Variants in NAGPA observed in about 807,000 individuals in gnomAD.
The protein encoded by NAGPA is alpha-N-acetylglucosaminyl phosphodiesterase.
NAGPA carries 56 observed loss-of-function variants against 48.5 expected under a neutral mutation model. The ratio of observed to expected loss-of-function variants is 1.15; its 90% confidence interval spans 0.93 to 1.44. The LOEUF (loss-of-function observed/expected upper bound fraction) is 1.44. Among genes scored for constraint, NAGPA ranks in the 40% most tolerant of loss-of-function variants. The probability of loss-of-function intolerance (pLI) is 0.00; values close to 1 mark genes in which losing one functional copy is unlikely to be tolerated. For missense variants in NAGPA, 888 were observed against 735.0 expected, an observed-to-expected ratio of 1.21 and a Z score of -2.41; for synonymous variants, 399 against 315.5, an observed-to-expected ratio of 1.26 and a Z score of -2.81.
Position 5,025,178 on chromosome 16 carries a change from G to C in NAGPA, c.*300C>G, listed in dbSNP as rs1955972816. On this transcript the variant is annotated 3_prime_UTR_variant, in exon 10 of 10. Coordinates refer to ENST00000312251, the MANE Select transcript of NAGPA (RefSeq NM_016256.4). ...TGGCAGCCCCTTCCCCAGGAGGAGG[G>C]AGACTCTTTGGCAGTGCGGCAGCCC... 6 of 459,298 alleles carry C rather than the reference G, an allele frequency of 1.3e-5. No individual in the cohort carries two copies. Among genetic ancestry groups the C allele is most frequent in the Non-Finnish European group, 2.4e-5 (6 of 248,980 alleles). 28.5% of individuals were successfully genotyped at this position (459,298 alleles called of 1,614,324 possible).
At chr16:5,030,066 A>C in intron 4 of NAGPA, 1 of 489,644 alleles carries the variant, frequency 2.0e-6, no homozygotes, top group Non-Finnish European at 3.7e-6. Context: ...TCTACGGCAT[A>C]GGTGGGTAGA....
intron 4 of NAGPA, 64 bp from the exon 5 acceptor site, chr16:5,029,072 T>C (rs1485760228): frequency 6.2e-7 from 1 of 1,602,632 alleles, no homozygotes; most frequent in Non-Finnish European, 8.5e-7. Flanking sequence ...TAACTCCTTT[T>C]CCTTCCACAG....
chr16:5,033,565 G>T lies in NAGPA; in HGVS notation c.250C>A (p.His84Asn). ...GGLAVRTFVS[H>N]FRDRAVAGHL... is the part of the protein sequence containing the mutation. ...CCGGCCACCGCGCGGTCCCTGAAGT[G>T]CGACACGAAGGTGCGCACGGCCAGA... Residue 84 changes from histidine (H) to asparagine (N), a missense_variant, in exon 2 of 10, where the codon CAC becomes AAC. By Grantham distance (68) the His-to-Asn change is moderately conservative (BLOSUM62 1). Transcript: ENST00000312251. The surrounding 1 kb of genome is among the most constrained non-coding windows in gnomAD (Gnocchi z 4.2). 6.6e-7 allele frequency: 1 copy of T among 1,504,408 alleles called. No homozygotes were observed. The highest frequency in any genetic ancestry group is 1.4e-5 in the African/African-American group (1 of 69,928). 93.2% of individuals were successfully genotyped at this position (1,504,408 alleles called of 1,614,324 possible). A position where few individuals can be genotyped will look rare whatever the true frequency, so the allele number is the denominator to read the frequency against.
At position 5,031,868 on chromosome 16, in the gene NAGPA, C is replaced by T. The variant is rs373224955; in HGVS notation, c.559G>A (p.Glu187Lys). 5 of 1,614,060 alleles carry T rather than the reference C, an allele frequency of 3.1e-6. No homozygotes were observed. The highest frequency in any genetic ancestry group is 2.2e-5 in the East Asian group (1 of 44,894). Residue 187 changes from glutamate (E) to lysine (K), a missense_variant, in exon 3 of 10, where the codon GAG (glutamate) becomes AAG (lysine). Physicochemically the swap from Glu to Lys is moderately conservative, Grantham distance 56 (BLOSUM62 1). Coordinates refer to ENST00000312251, the MANE Select transcript of NAGPA (RefSeq NM_016256.4). The part of the protein sequence containing the change: ...TLVTGYLSEE[E>K]VLDTENPFVQ... ...AATGGGTTCTCAGTGTCCAGCACCT[C>T]CTCCTCAGACAGGTACCTGGATCCG...
chr16:5,033,305 G>C lies in NAGPA; in HGVS notation c.510C>G (p.Phe170Leu). Residue 170 changes from phenylalanine to leucine, a missense_variant, in exon 2 of 10, where the codon TTC (phenylalanine) becomes TTG (leucine). Transcript: ENST00000312251. The surrounding 1 kb of genome is among the most constrained non-coding windows in gnomAD (Gnocchi z 4.2). Reference protein sequence around the residue: ...SSSGGLQNAQFGIRRDGTLVT... With the variant: ...SSSGGLQNAQLGIRRDGTLVT... ...CCAGGGTCCCGTCGCGGCGGATCCC[G>C]AACTGCGCGTTCTGCAGCCCCCCGG... The C allele has an allele frequency of 6.3e-7, 1 of 1,596,710 alleles. No homozygotes were observed. The highest frequency in any genetic ancestry group is 8.5e-7 in the Non-Finnish European group (1 of 1,179,202).
At chr16:5,030,347 T>C in intron 4 of NAGPA, 38 bp downstream of exon 4, 2 of 1,530,860 alleles carry the variant, frequency 1.3e-6, no homozygotes, top group East Asian at 4.9e-5. Flanking sequence ...CTAGCAGGAC[T>C]GAGCCCCGGC....
rs1567142906 is a variant in NAGPA at position 5,033,369 on chromosome 16, AG to A, written c.445del (p.Leu149TrpfsTer5). ...CCGCTCGTCGCTCACCACGTTCCCCAGGCACTCGCCCGAGTTCATGCGGAAG... is the reference window on the plus strand; with the variant it reads ...CCGCTCGTCGCTCACCACGTTCCCCAGCACTCGCCCGAGTTCATGCGGAAG... ...GFFRMNSGECLGNVVSDERRV... is the reference protein window; with the variant it reads ...GFFRMNSGECXGNVVSDERRV... On this transcript the variant is annotated frameshift_variant, in exon 2 of 10. Transcript: ENST00000312251. LOFTEE classifies it high-confidence loss of function. The surrounding 1 kb of genome is among the most constrained non-coding windows in gnomAD (Gnocchi z 4.2). 6.3e-7 allele frequency: 1 copy of A among 1,597,732 alleles called. No homozygotes were observed. Among genetic ancestry groups the A allele is most frequent in the Admixed American group, 1.7e-5 (1 of 59,984 alleles).
rs188520520 is a variant in NAGPA, at chr16:5,027,231, G to A, written c.1277-33C>T. On this transcript the variant is annotated intron_variant, in intron 8 of 9. Transcript: ENST00000312251. ...ATACCAGAGACAGGCTGAAGGGGCC[G>A]GAGCAGGAGCGTCTGCCCATACCCC... 335 of 1,614,176 alleles carry A rather than the reference G, an allele frequency of 2.1e-4. 2 individuals are homozygous for A. The highest frequency in any genetic ancestry group is 1.2e-3 in the African/African-American group (92 of 75,064).
chr16:5,027,233 A>G (rs1421131540), intron 8 of NAGPA, 35 bp from the exon 9 acceptor site: 1 of 1,614,126 alleles, frequency 6.2e-7, no homozygotes, highest in South Asian at 1.1e-5. Context: ...AAGGGGCCGG[A>G]GCAGGAGCGT....
Position 5,025,175 on chromosome 16 carries a change from A to G in NAGPA, c.*303T>C. 2.2e-6 allele frequency: 1 copy of G among 450,776 alleles called. No individual in the cohort carries two copies. 27.9% of individuals were successfully genotyped at this position (450,776 alleles called of 1,614,324 possible). A position where few individuals can be genotyped will look rare whatever the true frequency, so the allele number is the denominator to read the frequency against. The stretch of plus-strand genomic sequence containing the variant: ...CGTTGGCAGCCCCTTCCCCAGGAGG[A>G]GGGAGACTCTTTGGCAGTGCGGCAG... On this transcript the variant is annotated 3_prime_UTR_variant, in exon 10 of 10. Transcript: ENST00000312251.
In NAGPA at chr16:5,031,745, C is replaced by A. The variant is rs753247110; in HGVS notation, c.682G>T (p.Gly228Cys). The A allele has an allele frequency of 1.4e-5, 22 of 1,614,048 alleles. No homozygotes were observed. Among genetic ancestry groups the A allele is most frequent in the Non-Finnish European group, 1.8e-5 (21 of 1,180,032 alleles). ...ATECDETQET[G>C]SFSKFVNVIS... ...GTTGCCAACAGCCTCCCCATCCAAC[C>A]TGTCTCCTGTGTCTCGTCACACTCT... Residue 228 changes from glycine to cysteine, a missense_variant and splice_region_variant, in exon 3 of 10, where the codon GGT (glycine) becomes TGT (cysteine). Physicochemically the swap from Gly to Cys is radical, Grantham distance 159. Coordinates refer to ENST00000312251, the MANE Select transcript of NAGPA (RefSeq NM_016256.4).
intron 3 of NAGPA, 44 bp from the exon 4 acceptor site, chr16:5,030,537 CT>C: frequency 4.7e-6 from 7 of 1,475,562 alleles, no homozygotes; most frequent in Non-Finnish European, 6.5e-6. Context: ...CTTGGGAGGC[CT>C]CCTGCTTCTT....
In NAGPA at chr16:5,027,985, G is replaced by A. The variant is rs377424631; in HGVS notation, c.1121C>T (p.Thr374Met). 2.0e-5 allele frequency: 30 copies of A among 1,506,284 alleles called. No homozygotes were observed. Among genetic ancestry groups the A allele is most frequent in the Admixed American group, 7.8e-5 (4 of 51,078 alleles). The allele number at this position is 1,506,284 out of a possible 1,614,324, so 93.3% of individuals were successfully genotyped here. ...TCCCCAGAACCCCCACTCACTCTCC[G>A]TGCACAGTCCGTGCTGGCTGCAGTT... ...PSNCSQHGLC[T>M]ETGCRCDAGW... Residue 374 changes from threonine to methionine, a missense_variant, in exon 6 of 10, where the codon ACG becomes ATG. Physicochemically the swap from Thr to Met is moderately conservative, Grantham distance 81. Transcript: ENST00000312251.
chr16:5,029,275 TG>T, intron 4 of NAGPA: 1 of 501,802 alleles, frequency 2.0e-6, no homozygotes, highest in Non-Finnish European at 3.6e-6. Flanking sequence ...ATCACAGGAG[TG>T]TTCAACACAG....
At chr16:5,032,550 A>G (rs1424998532) in intron 2 of NAGPA, among the ~76,000 whole-genome samples, 3 of 151,326 alleles carry the variant, frequency 2.0e-5, no homozygotes, top group Non-Finnish European at 4.4e-5. Flanking sequence ...GTGGTGGCAC[A>G]CGTCCGTAGT....
At position 5,027,161 on chromosome 16, in the gene NAGPA, C is replaced by T. The variant is rs1213804094; in HGVS notation, c.1314G>A (p.Arg438=). 1 of 1,614,118 alleles carries T rather than the reference C, an allele frequency of 6.2e-7. No individual in the cohort carries two copies. Among genetic ancestry groups the T allele is most frequent in the African/African-American group, 1.3e-5 (1 of 74,948 alleles). The change falls in exon 9 of 10, where the codon AGG becomes AGA. Residue 438 remains arginine, a synonymous_variant. Transcript: ENST00000312251. ...TGGTGAAAAAGGAGAGTTCTCCCGCCCTCAGGGTGGCTTCAGGTGGCTGGA... is the reference window on the plus strand; with the variant it reads ...TGGTGAAAAAGGAGAGTTCTCCCGCTCTCAGGGTGGCTTCAGGTGGCTGGA... ...QCLQPPEATL[R]AGELSFFTRT...
At chr16:5,030,627 G>T (rs1257529242) in intron 3 of NAGPA, 134 bp from the exon 4 acceptor site, 8 of 766,904 alleles carry the variant, frequency 1.0e-5, no homozygotes, top group Non-Finnish European at 1.8e-5. Flanking sequence ...TCGTCTCCCT[G>T]CCTCCCCTCT....
At chr16:5,030,363 G>T in intron 4 of NAGPA, 22 bp downstream of exon 4, 1 of 1,545,800 alleles carries the variant, frequency 6.5e-7, no homozygotes, top group Non-Finnish European at 8.7e-7. Flanking sequence ...CCGGCCGGGG[G>T]GCCTCAGCTC....
At position 5,033,237 on chromosome 16, in the gene NAGPA, C is replaced by T. The variant is rs1171407163; in HGVS notation, c.542+36G>A. The T allele has an allele frequency of 2.6e-6, 4 of 1,561,216 alleles. No homozygotes were observed. On this transcript the variant is annotated intron_variant, in intron 2 of 9. Transcript: ENST00000312251. The surrounding 1 kb of genome is among the most constrained non-coding windows in gnomAD (Gnocchi z 4.2). ...GGCTACAACCCAAATCTCAGGCCCT[C>T]TGCCCTCGACAGCACGGGGCTCCCT...
Sources: allele counts gnomAD v4.1 joint callset (sites outside exome capture counted in the v4.1 genomes callset), GRCh38; gene constraint gnomAD v4.1.1; non-coding constraint Gnocchi (gnomAD v3.1); transcripts MANE v1.5; gene names NCBI Gene and HGNC (gene_info 2026-07-23, HGNC 2026-07-21).